The following GLDC variants were observed in gnomAD, a reference collection of about 807,000 sequenced individuals.
GLDC encodes glycine decarboxylase, also known as glycine dehydrogenase (decarboxylating), mitochondrial.
In GLDC, 104 loss-of-function variants were observed where a neutral mutation model predicts 121.3. The observed-to-expected ratio is 0.86, with a 90% CI of 0.73 to 1.01. The LOEUF (loss-of-function observed/expected upper bound fraction) is 1.01, where lower values mean the gene tolerates loss of function less well. Ranked by LOEUF, GLDC falls within the 50% of genes least tolerant of loss-of-function variation. The pLI, the probability that GLDC is intolerant of heterozygous loss-of-function variation, is 0.00. For missense variants in GLDC, 1,429 were observed against 1,306.6 expected (o/e 1.09, Z -1.44); for synonymous variants, 546 against 480.6 (o/e 1.14, Z -1.78).
intron 2 of GLDC, among the ~76,000 whole-genome samples, chr9:6,635,430 A>G (rs1035697890): frequency 3.3e-5 from 5 of 152,224 alleles, no homozygotes; most frequent in Non-Finnish European, 4.4e-5. Flanking sequence ...ATGTACCATA[A>G]TAGCCCTCAA....
At chr9:6,603,633 A>G (rs1440110618) in intron 7 of GLDC, among the ~76,000 whole-genome samples, 1 of 152,158 alleles carries the variant, frequency 6.6e-6, no homozygotes, top group East Asian at 1.9e-4. Flanking sequence ...GTTAAAGTCC[A>G]GCTTTTATCA....
chr9:6,603,097 A>C (rs1236527387), intron 7 of GLDC, among the ~76,000 whole-genome samples: 1 of 151,918 alleles, frequency 6.6e-6, no homozygotes, highest in Non-Finnish European at 1.5e-5. Context: ...ACATGGTGAC[A>C]GGCACCTGTA....
chr9:6,554,336 C>T (rs749208519), intron 19 of GLDC, among the ~76,000 whole-genome samples: 12 of 152,108 alleles, frequency 7.9e-5, no homozygotes, highest in Non-Finnish European at 1.3e-4. Context: ...TCCAAAAGTC[C>T]GAAAGGCACT....
chr9:6,629,608 T>C (rs908072077), intron 2 of GLDC, among the ~76,000 whole-genome samples: 1 of 96,096 alleles, frequency 1.0e-5, no homozygotes, highest in Admixed American at 1.0e-4. Flanking sequence ...CTGCTACAAC[T>C]AAACACACAC....
At chr9:6,625,088 T>C (rs1587976661) in intron 2 of GLDC, among the ~76,000 whole-genome samples, 1 of 152,030 alleles carries the variant, frequency 6.6e-6, no homozygotes, top group East Asian at 1.9e-4. Context: ...TCGACCCCAA[T>C]AGCATCATTC....
At chr9:6,557,493 C>T (rs1817659448) in intron 17 of GLDC, among the ~76,000 whole-genome samples, 1 of 152,130 alleles carries the variant, frequency 6.6e-6, no homozygotes, top group Non-Finnish European at 1.5e-5. Context: ...AATCAGGAGG[C>T]TGAGGCAGGA....
At chr9:6,533,579 C>A (rs1817046016) in intron 24 of GLDC, among the ~76,000 whole-genome samples, 2 of 151,382 alleles carry the variant, frequency 1.3e-5, no homozygotes, top group Admixed American at 6.6e-5. Context: ...AATTTCTCGG[C>A]TGGGCGCAGT....
chr9:6,534,413 A>C (rs1335388196), intron 24 of GLDC, among the ~76,000 whole-genome samples: 3 of 152,154 alleles, frequency 2.0e-5, no homozygotes, highest in Admixed American at 6.5e-5. Context: ...GGAAGGTTGC[A>C]CTGGGCGCCA....
chr9:6,630,934 C>T (rs570581654), intron 2 of GLDC, among the ~76,000 whole-genome samples: 1 of 152,312 alleles, frequency 6.6e-6, no homozygotes, highest in South Asian at 2.1e-4. Context: ...CAAGTTTCCT[C>T]CCTGGGCAGA....
chr9:6,559,767 A>C (rs1356865481), intron 16 of GLDC, among the ~76,000 whole-genome samples: 1 of 151,956 alleles, frequency 6.6e-6, no homozygotes, highest in Admixed American at 6.6e-5. Context: ...GCGAGCCGAG[A>C]TCGCGCCATT....
At chr9:6,586,879 A>G (rs532283456) in intron 15 of GLDC, among the ~76,000 whole-genome samples, 3 of 152,310 alleles carry the variant, frequency 2.0e-5, no homozygotes, top group African/African-American at 7.2e-5. Flanking sequence ...AGGAAGCTCA[A>G]GGAACTACAA....
chr9:6,608,803 A>T (rs1042457283), intron 4 of GLDC, among the ~76,000 whole-genome samples: 5 of 151,980 alleles, frequency 3.3e-5, no homozygotes, highest in South Asian at 2.1e-4. Flanking sequence ...ATAAAAAGCA[A>T]TTTTTTAAAA....
intron 2 of GLDC, among the ~76,000 whole-genome samples, chr9:6,621,846 A>T (rs904422202): frequency 1.4e-4 from 22 of 152,248 alleles, no homozygotes; most frequent in African/African-American, 5.3e-4. Context: ...TAGAAATGAC[A>T]TCATTTGGTT....
chr9:6,559,243 A>C (rs180791029), intron 16 of GLDC, among the ~76,000 whole-genome samples: 345 of 152,318 alleles, frequency 2.3e-3, no homozygotes, highest in Non-Finnish European at 3.3e-3. Flanking sequence ...GGCCAGGTGC[A>C]GTGGCTCACG....
chr9:6,620,181 T>C lies in GLDC; in HGVS notation c.470+3A>G, dbSNP rs1169482329. 6.2e-7 allele frequency: 1 copy of C among 1,612,206 alleles called. No individual in the cohort carries two copies. Among genetic ancestry groups the C allele is most frequent in the Admixed American group, 1.7e-5 (1 of 60,010 alleles). On this transcript the variant is annotated splice_donor_region_variant and intron_variant, in intron 3 of 24. Coordinates refer to ENST00000321612, the MANE Select transcript of GLDC (RefSeq NM_000170.3). Reference sequence around the variant, plus strand: ...CCTGTTCCTGAACTGAGAAATACATTACCATCCTGAGTTCTCCAGTAAGTT... The same window carrying C: ...CCTGTTCCTGAACTGAGAAATACATCACCATCCTGAGTTCTCCAGTAAGTT...
intron 21 of GLDC, among the ~76,000 whole-genome samples, chr9:6,545,229 T>C (rs990205699): frequency 1.3e-5 from 2 of 152,152 alleles, no homozygotes; most frequent in African/African-American, 4.8e-5. Flanking sequence ...TGAGATGACT[T>C]TGTCATTGTG....
intron 16 of GLDC, among the ~76,000 whole-genome samples, chr9:6,560,995 C>G (rs1021169180): frequency 1.3e-5 from 2 of 152,204 alleles, no homozygotes; most frequent in Admixed American, 1.3e-4. Context: ...AGCCAAGGAA[C>G]GCAGGAGGCC....
intron 3 of GLDC, 103 bp from the exon 4 acceptor site, chr9:6,610,459 C>A: frequency 8.8e-7 from 1 of 1,138,764 alleles, no homozygotes; most frequent in Non-Finnish European, 1.3e-6. Context: ...ATTTGCCTAT[C>A]TTGAGGAGAA....
chr9:6,561,054 A>G lies in GLDC; in HGVS notation c.1927-2370T>C, dbSNP rs981890511. On this transcript the variant is annotated intron_variant, in intron 16 of 24. Transcript: ENST00000321612. The stretch of plus-strand genomic sequence containing the variant: ...AAACAGATTCTCCCCTGTCTCCCCC[A>G]GAAGGAATCAGCTCTACCAACACTT... 5.3e-5 allele frequency among the ~76,000 whole-genome samples: 8 copies of G among 152,232 alleles called. No homozygotes were observed. In the East Asian group the frequency reaches 7.7e-4, roughly 15 times the overall value.
Sources: gnomAD v4.1 joint callset for allele counts (sites outside exome capture counted in the v4.1 genomes callset) on GRCh38, gnomAD v4.1.1 for gene constraint, MANE v1.5 for transcripts, NCBI Gene and HGNC (gene_info 2026-07-23, HGNC 2026-07-21) for gene names.